Variants in WDR19 observed in about 807,000 individuals in gnomAD.
The protein encoded by WDR19 is WD repeat-containing protein 19.
Under a neutral mutation model 180.0 loss-of-function variants are expected in WDR19, and 121 were observed. The ratio of observed to expected loss-of-function variants is 0.67; its 90% CI spans 0.58 to 0.78. The LOEUF (loss-of-function observed/expected upper bound fraction) is 0.78. Among genes scored for constraint, WDR19 ranks in the 30% least tolerant of loss-of-function variants. WDR19 has a pLI of 0.00. For missense variants in WDR19, 1,450 were observed against 1,640.7 expected, an observed-to-expected ratio of 0.88 and a Z score of 2.01; for synonymous variants, 497 against 540.7, an observed-to-expected ratio of 0.92 and a Z score of 1.12.
chr4:39,278,609 TCA>T lies in WDR19; in HGVS notation c.3989_3990del (p.Ser1330Ter). ...AAACGCTGCTCAGCTGAAAAAGATT[TCA>T]GACTGTACCCAGTACCTGCGAACGG... ...RLNAAQLKKISDCTQYLRTEE... is the reference protein window; with the variant it reads ...RLNAAQLKKIXDCTQYLRTEE... On this transcript the variant is annotated frameshift_variant, in exon 36 of 37. Transcript: ENST00000399820. LOFTEE classifies it high-confidence loss of function. The T allele has an allele frequency of 1.2e-6, 2 of 1,613,648 alleles. No homozygotes were observed. The highest frequency in any genetic ancestry group is 1.7e-6 in the Non-Finnish European group (2 of 1,179,642).
chr4:39,209,075 C>CT (rs1728238401), intron 9 of WDR19, among the ~76,000 whole-genome samples: 1 of 152,098 alleles, frequency 6.6e-6, no homozygotes, highest in African/African-American at 2.4e-5. Context: ...TTTCAAGTGC[C>CT]TGTGGAACAT....
intron 36 of WDR19, among the ~76,000 whole-genome samples, chr4:39,282,483 T>C (rs1426420766): frequency 6.6e-6 from 1 of 152,184 alleles, no homozygotes; most frequent in Non-Finnish European, 1.5e-5. Context: ...CTGCAACCTC[T>C]GCCTCCCGGG....
At chr4:39,242,312 A>C (rs781184862) in intron 21 of WDR19, among the ~76,000 whole-genome samples, 24 of 152,238 alleles carry the variant, frequency 1.6e-4, no homozygotes, top group Admixed American at 3.9e-4. Context: ...GCTGGAATGT[A>C]GTGGCATAAT....
chr4:39,281,217 A>ATG (rs1736476946), intron 36 of WDR19, among the ~76,000 whole-genome samples: 1 of 102,672 alleles, frequency 9.7e-6, no homozygotes, highest in South Asian at 2.8e-4. Flanking sequence ...GTGTGTGTGT[A>ATG]TATATATATA....
At chr4:39,197,235 C>T (rs1215457790) in intron 5 of WDR19, among the ~76,000 whole-genome samples, 2 of 151,896 alleles carry the variant, frequency 1.3e-5, no homozygotes, top group African/African-American at 2.4e-5. Context: ...TCGAAACCAG[C>T]CAACATGGTG....
rs752739796 is a variant in WDR19, at chr4:39,273,032, T to G, written c.3536T>G (p.Val1179Gly). 9 of 1,605,386 alleles carry G rather than the reference T, an allele frequency of 5.6e-6. No homozygotes were observed. Among genetic ancestry groups the G allele is most frequent in the Non-Finnish European group, 7.7e-6 (9 of 1,176,246 alleles). ...AAAGGGGCTCGCATGCTCATTCGGG[T>G]GGCCAACAACATCAGCAAATTTCCA... ...HMKGARMLIR[V>G]ANNISKFPSH... is the part of the protein sequence containing the mutation. Residue 1179 changes from valine (V) to glycine (G), a missense_variant, in exon 32 of 37, where the codon GTG becomes GGG. Coordinates refer to ENST00000399820, the MANE Select transcript of WDR19 (RefSeq NM_025132.4).
At position 39,253,336 on chromosome 4, in the gene WDR19, A is replaced by G. The variant is rs151146097; in HGVS notation, c.2876+44A>G. The G allele has an allele frequency of 4.5e-4, 697 of 1,562,944 alleles. 4 individuals carry two copies. In the African/African-American group the frequency reaches 8.5e-3, roughly 19 times the overall value. ...ATTTTTGGACTTTCAAAAACTAACC[A>G]TAAAAGTAAGCCTCTGCCTTCTATC... On this transcript the variant is annotated intron_variant, in intron 25 of 36. Transcript: ENST00000399820.
intron 24 of WDR19, among the ~76,000 whole-genome samples, chr4:39,245,777 G>T (rs545104962): frequency 1.3e-5 from 2 of 152,322 alleles, no homozygotes; most frequent in East Asian, 3.9e-4. Context: ...AATCACAGAT[G>T]CAGGGGAAAA....
chr4:39,204,211 T>C (rs1727695155), intron 7 of WDR19, among the ~76,000 whole-genome samples: 1 of 151,870 alleles, frequency 6.6e-6, no homozygotes, highest in South Asian at 2.1e-4. Flanking sequence ...TCAGCCTCCC[T>C]AGTAGCTGTG....
chr4:39,283,434 C>T (rs781310760), intron 36 of WDR19, among the ~76,000 whole-genome samples: 13 of 151,638 alleles, frequency 8.6e-5, no homozygotes, highest in Non-Finnish European at 1.6e-4. Flanking sequence ...TTTAGGTCTA[C>T]AATTTTGTTA....
chr4:39,267,636 T>C (rs1041853907), intron 29 of WDR19, among the ~76,000 whole-genome samples: 4 of 152,200 alleles, frequency 2.6e-5, no homozygotes, highest in African/African-American at 7.2e-5. Context: ...ACATGAGAAA[T>C]ACTCTGTGGA....
intron 1 of WDR19, 122 bp downstream of exon 1, chr4:39,182,685 G>T: frequency 6.9e-7 from 1 of 1,450,528 alleles, no homozygotes; most frequent in East Asian, 2.4e-5. Flanking sequence ...GGAAGAGAGA[G>T]AGAGAGAGAG....
intron 25 of WDR19, 118 bp downstream of exon 25, chr4:39,253,410 A>G: frequency 8.3e-7 from 1 of 1,198,348 alleles, no homozygotes; most frequent in Non-Finnish European, 1.2e-6. Flanking sequence ...TTTTTTTATC[A>G]GGTCTAAGCG....
chr4:39,263,662 C>T (rs1418477496), intron 28 of WDR19, among the ~76,000 whole-genome samples: 1 of 152,146 alleles, frequency 6.6e-6, no homozygotes. Flanking sequence ...TGGTGGCTCA[C>T]ACCTGTAATC....
At chr4:39,238,971 A>ATATTAT (rs759016341) in intron 20 of WDR19, among the ~76,000 whole-genome samples, 3 of 151,630 alleles carry the variant, frequency 2.0e-5, no homozygotes, top group East Asian at 1.9e-4. Context: ...TGGGAAGAGA[A>ATATTAT]TATTATTATT....
rs1286801775 is a variant in WDR19 at position 39,273,043 on chromosome 4, A to T, written c.3547A>T (p.Ile1183Phe). Residue 1183 changes from isoleucine to phenylalanine, a missense_variant, in exon 32 of 37, where the codon ATC becomes TTC. Transcript: ENST00000399820. Reference protein sequence around the residue: ...ARMLIRVANNISKFPSHIVPI... With the variant: ...ARMLIRVANNFSKFPSHIVPI... The stretch of plus-strand genomic sequence containing the variant: ...CATGCTCATTCGGGTGGCCAACAAC[A>T]TCAGCAAATTTCCATCACGTAAGTA... 2 of 1,605,536 alleles carry T rather than the reference A, an allele frequency of 1.2e-6. No individual in the cohort carries two copies. Among genetic ancestry groups the T allele is most frequent in the Admixed American group, 3.4e-5 (2 of 58,906 alleles).
At chr4:39,247,028 G>A (rs200247555) in intron 24 of WDR19, among the ~76,000 whole-genome samples, 393 of 141,988 alleles carry the variant, frequency 2.8e-3, no homozygotes, top group Non-Finnish European at 3.7e-3. Context: ...CACGCAGCTT[G>A]AGATCTGAGA....
Position 39,205,376 on chromosome 4 carries a change from G to A in WDR19, c.716+110G>A, listed in dbSNP as rs561359979. On this transcript the variant is annotated intron_variant, in intron 8 of 36. Transcript: ENST00000399820. ...TTGTTTGTAACATTCAATTCTATACGTCACATTTTCTGATTCATGGTCTGT... is the reference window on the plus strand; with the variant it reads ...TTGTTTGTAACATTCAATTCTATACATCACATTTTCTGATTCATGGTCTGT... 1.6e-3 allele frequency: 1,954 copies of A among 1,209,278 alleles called. 6 individuals carry two copies. Among genetic ancestry groups the A allele is most frequent in the Admixed American group, 2.8e-3 (118 of 41,992 alleles). The allele number at this position is 1,209,278 out of a possible 1,614,324, so 74.9% of individuals were successfully genotyped here. A position where few individuals can be genotyped will look rare whatever the true frequency, so the allele number is the denominator to read the frequency against.
chr4:39,224,861 G>A, intron 14 of WDR19, 23 bp from the exon 15 acceptor site: 1 of 1,449,354 alleles, frequency 6.9e-7, no homozygotes, highest in African/African-American at 1.4e-5. Flanking sequence ...TATTTTCATG[G>A]CTGGATTTTT....
Sources: gnomAD v4.1 joint callset for allele counts (sites outside exome capture counted in the v4.1 genomes callset) on GRCh38, gnomAD v4.1.1 for gene constraint, MANE v1.5 for transcripts, NCBI Gene and HGNC (gene_info 2026-07-23, HGNC 2026-07-21) for gene names.